MICAL3: variants seen among roughly 807,000 people sequenced by gnomAD.
The protein encoded by MICAL3 is microtubule associated monooxygenase, calponin and LIM domain containing 3.
Under a neutral mutation model 207.4 loss-of-function variants are expected in MICAL3, and 62 were observed. The ratio of observed to expected loss-of-function variants is 0.30; its 90% CI spans 0.24 to 0.37. MICAL3 has a LOEUF of 0.37. Among genes scored for constraint, MICAL3 ranks in the 10% least tolerant of loss-of-function variants. MICAL3 has a pLI of 1.00. For synonymous variants in MICAL3, 1,077 were observed against 1,069.3 expected, an observed-to-expected ratio of 1.01 and a Z score of -0.14; for missense variants, 2,368 against 2,635.6, an observed-to-expected ratio of 0.90 and a Z score of 2.22.
chr22:17,968,428 C>T (rs1241787502), intron 1 of MICAL3, among the ~76,000 whole-genome samples: 1 of 152,138 alleles, frequency 6.6e-6, no homozygotes, highest in Admixed American at 6.6e-5. Flanking sequence ...AGAGCTGAGG[C>T]GCCAGAGCTC....
At chr22:17,946,458 CTT>C (rs938225388) in intron 1 of MICAL3, among the ~76,000 whole-genome samples, 1 of 152,092 alleles carries the variant, frequency 6.6e-6, no homozygotes, top group African/African-American at 2.4e-5. Flanking sequence ...AGGGAACTAA[CTT>C]ATAAATGGGA....
intron 20 of MICAL3, among the ~76,000 whole-genome samples, chr22:17,834,937 C>T (rs561914915): frequency 2.6e-5 from 4 of 152,364 alleles, no homozygotes; most frequent in African/African-American, 9.6e-5. Flanking sequence ...CCCCCTGGTT[C>T]CTCTTTCCCA....
chr22:17,961,525 G>A (rs550655771), intron 1 of MICAL3, among the ~76,000 whole-genome samples: 70 of 151,822 alleles, frequency 4.6e-4, no homozygotes, highest in Non-Finnish European at 8.2e-4. Context: ...TTCCCTAAGC[G>A]AAGGGGCACA....
intron 17 of MICAL3, among the ~76,000 whole-genome samples, chr22:17,867,508 C>A (rs1927272238): frequency 6.6e-6 from 1 of 152,216 alleles, no homozygotes; most frequent in African/African-American, 2.4e-5. Context: ...TGTTTTGTAT[C>A]TCATTCTTTA....
intron 29 of MICAL3, among the ~76,000 whole-genome samples, chr22:17,808,408 G>C (rs2062009819): frequency 6.6e-6 from 1 of 152,172 alleles, no homozygotes; most frequent in Non-Finnish European, 1.5e-5. Flanking sequence ...TGAGGGCTCT[G>C]TGGGCAGGAG....
intron 16 of MICAL3, among the ~76,000 whole-genome samples, chr22:17,880,895 C>A (rs981412433): frequency 2.0e-5 from 3 of 152,216 alleles, no homozygotes; most frequent in African/African-American, 7.2e-5. Flanking sequence ...TTTAGAAAAA[C>A]AGGCTGCTCT....
intron 16 of MICAL3, among the ~76,000 whole-genome samples, chr22:17,878,362 C>T (rs116148553): frequency 0.013 from 2,006 of 152,244 alleles, 39 homozygotes; most frequent in African/African-American, 0.044. Context: ...CACCGTGGGG[C>T]GAGGCCATGG....
At chr22:17,901,343 G>GT (rs974518796) in intron 5 of MICAL3, among the ~76,000 whole-genome samples, 24 of 152,132 alleles carry the variant, frequency 1.6e-4, no homozygotes, top group African/African-American at 5.8e-4. Context: ...TCAAGGTATG[G>GT]TTGGTCTCCT....
intron 19 of MICAL3, among the ~76,000 whole-genome samples, chr22:17,851,149 G>A (rs1384257629): frequency 1.3e-5 from 2 of 152,172 alleles, no homozygotes; most frequent in African/African-American, 2.4e-5. Context: ...TTATGCGCTG[G>A]GATTTGAAAT....
chr22:17,919,513 C>T (rs557702359), intron 1 of MICAL3, among the ~76,000 whole-genome samples: 101 of 152,312 alleles, frequency 6.6e-4, no homozygotes, highest in Middle Eastern at 3.4e-3. Flanking sequence ...GATGAACAAA[C>T]GGCTGTGTAT....
In MICAL3 at chr22:17,872,046, G is replaced by A. The variant is rs761701362; in HGVS notation, c.2242-23C>T. 36 of 1,577,380 alleles carry A rather than the reference G, an allele frequency of 2.3e-5. No homozygotes were observed. In the South Asian group the frequency reaches 4.0e-4, roughly 17 times the overall value. Reference sequence around the variant, plus strand: ...GCCCTGCAGGAGGTGGCGGTCGGGAGGAAGGGGAGCACCTCAGGGAGTGCC... The same window carrying A: ...GCCCTGCAGGAGGTGGCGGTCGGGAAGAAGGGGAGCACCTCAGGGAGTGCC... On this transcript the variant is annotated intron_variant, in intron 16 of 31. Transcript: ENST00000441493.
chr22:17,864,750 G>A, intron 19 of MICAL3, 149 bp downstream of exon 19: 5 of 1,613,874 alleles, frequency 3.1e-6, no homozygotes, highest in Non-Finnish European at 4.2e-6. Context: ...CAAGCAGCTG[G>A]CACATGAAAA....
chr22:17,872,852 C>T (rs776036846), intron 16 of MICAL3: 8 of 1,585,764 alleles, frequency 5.0e-6, no homozygotes, highest in Non-Finnish European at 6.1e-6. Flanking sequence ...TCTTTATATA[C>T]TTCTATCGGT....
chr22:17,919,444 G>A lies in MICAL3; in HGVS notation c.-74-12558C>T, dbSNP rs532562006. 5.3e-5 allele frequency among the ~76,000 whole-genome samples: 8 copies of A among 152,288 alleles called. No homozygotes were observed. In the South Asian group the frequency reaches 1.2e-3, roughly 24 times the overall value. ...TTTTTGCCATTTTATTCACTGTTGC[G>A]TCCTTGCACCTGGAACAGTCCCTGG... On this transcript the variant is annotated intron_variant, in intron 1 of 31. Coordinates refer to ENST00000441493, the MANE Select transcript of MICAL3 (RefSeq NM_015241.3).
At chr22:17,801,427 A>G (rs2061938264) in intron 29 of MICAL3, among the ~76,000 whole-genome samples, 1 of 49,292 alleles carries the variant, frequency 2.0e-5, no homozygotes, top group Non-Finnish European at 3.3e-5. Flanking sequence ...TGCTGGGATT[A>G]CAGGCGTGAG....
intron 19 of MICAL3, among the ~76,000 whole-genome samples, chr22:17,850,285 C>T (rs1925158452): frequency 6.6e-6 from 1 of 152,102 alleles, no homozygotes; most frequent in African/African-American, 2.4e-5. Flanking sequence ...GTTTCCCAAG[C>T]ATGCCGAGGA....
At chr22:17,990,002 T>A (rs1248440363) in intron 1 of MICAL3, among the ~76,000 whole-genome samples, 1 of 152,096 alleles carries the variant, frequency 6.6e-6, no homozygotes, top group Non-Finnish European at 1.5e-5. Context: ...TACACTTTCA[T>A]GAAGCCGCCC....
At chr22:17,798,216 C>A (rs1443114473) in intron 29 of MICAL3, among the ~76,000 whole-genome samples, 7 of 152,186 alleles carry the variant, frequency 4.6e-5, no homozygotes, top group Non-Finnish European at 8.8e-5. Context: ...TACAGAATCC[C>A]AAATAATCAG....
intron 1 of MICAL3, among the ~76,000 whole-genome samples, chr22:17,936,175 C>G (rs1363461974): frequency 2.0e-5 from 3 of 152,106 alleles, no homozygotes; most frequent in Non-Finnish European, 4.4e-5. Context: ...TGGAACCAAC[C>G]CAAATGTCCA....
Sources: allele counts gnomAD v4.1 joint callset (sites outside exome capture counted in the v4.1 genomes callset), GRCh38; gene constraint gnomAD v4.1.1; transcripts MANE v1.5; gene names NCBI Gene and HGNC (gene_info 2026-07-23, HGNC 2026-07-21).